The following CFAP161 variants were observed in gnomAD, a reference collection of about 807,000 sequenced individuals.
CFAP161 encodes cilia and flagella associated protein 161.
In CFAP161, 25 loss-of-function variants were observed where a neutral mutation model predicts 29.0. The ratio of observed to expected loss-of-function variants is 0.86; its 90% confidence interval spans 0.63 to 1.20. The LOEUF is 1.20. Among genes scored for constraint, CFAP161 ranks in the 50% most tolerant of loss-of-function variants. CFAP161 has a pLI of 0.00. For synonymous variants in CFAP161, 116 were observed against 137.4 expected (o/e 0.84, Z 1.09); for missense variants, 367 against 371.9 (o/e 0.99, Z 0.11).
At chr15:81,144,148 T>C (rs1894966295) in intron 5 of CFAP161, among the ~76,000 whole-genome samples, 1 of 152,234 alleles carries the variant, frequency 6.6e-6, no homozygotes, top group Non-Finnish European at 1.5e-5. Context: ...TTCTCACCTC[T>C]GGCTGCACGT....
At chr15:81,131,616 C>T (rs1315814535), upstream of CFAP161, among the ~76,000 whole-genome samples, 1 of 151,816 alleles carries the variant, frequency 6.6e-6, no homozygotes, top group African/African-American at 2.4e-5. Context: ...GAAGACAAAT[C>T]AATAGAAATT....
intron 5 of CFAP161, among the ~76,000 whole-genome samples, chr15:81,146,325 G>T (rs917009990): frequency 2.0e-5 from 3 of 152,088 alleles, no homozygotes; most frequent in African/African-American, 7.2e-5. Context: ...ATAAACATAT[G>T]TTCACTTATG....
At chr15:81,105,092 C>CCCTCCCTCCCTT (rs1555448580) in intron 1 of CFAP161, among the ~76,000 whole-genome samples, 4 of 53,452 alleles carry the variant, frequency 7.5e-5, no homozygotes, top group South Asian at 1.1e-3. Context: ...CTTTTCTTTT[C>CCCTCCCTCCCTT]CCTCCCTCCC....
intron 4 of CFAP161, among the ~76,000 whole-genome samples, chr15:81,142,906 G>A (rs1278000745): frequency 2.0e-5 from 3 of 152,104 alleles, no homozygotes; most frequent in Non-Finnish European, 4.4e-5. Flanking sequence ...ATTCCAGAGG[G>A]GTGTGGGTCA....
At chr15:81,108,097 T>A (rs1489623519) in intron 1 of CFAP161, among the ~76,000 whole-genome samples, 1 of 152,208 alleles carries the variant, frequency 6.6e-6, no homozygotes, top group Non-Finnish European at 1.5e-5. Context: ...TCTGCCTTGA[T>A]ACCCTTCTGT....
At chr15:81,134,019 C>T (rs2141876961), upstream of CFAP161, among the ~76,000 whole-genome samples, 1 of 152,282 alleles carries the variant, frequency 6.6e-6, no homozygotes, top group African/African-American at 2.4e-5. Flanking sequence ...TAGCACTTTT[C>T]GGTTAGATTC....
rs536308384 is a variant in CFAP161 at position 81,140,979 on chromosome 15, G to A, written c.478-2683G>A. On this transcript the variant is annotated intron_variant, in intron 4 of 6. Coordinates refer to ENST00000286732, the MANE Select transcript of CFAP161 (RefSeq NM_173528.4). ...CCCTGTGACCTTGACAGCTCATAGG[G>A]CTAGTTGCCTCTCATTACACTTCTT... 4.3e-4 allele frequency among the ~76,000 whole-genome samples: 65 copies of A among 152,276 alleles called. 1 individual carries two copies. In the South Asian group the frequency reaches 0.013, roughly 32 times the overall value.
intron 5 of CFAP161, among the ~76,000 whole-genome samples, chr15:81,145,944 A>G (rs1894998879): frequency 6.6e-6 from 1 of 152,168 alleles, no homozygotes; most frequent in Non-Finnish European, 1.5e-5. Flanking sequence ...ATCTCAATAA[A>G]TCTTATCTCT....
chr15:81,118,405 G>A, intron 1 of CFAP161: 1 of 218,430 alleles, frequency 4.6e-6, no homozygotes, highest in Non-Finnish European at 9.0e-6. Flanking sequence ...CCTGATGGAC[G>A]AATTCCCACA....
At chr15:81,119,826 G>A (rs1476173152) in intron 1 of CFAP161, among the ~76,000 whole-genome samples, 2 of 152,036 alleles carry the variant, frequency 1.3e-5, no homozygotes, top group African/African-American at 4.8e-5. Context: ...CAACATTTTG[G>A]GTGGTCAGTG....
At chr15:81,101,524 C>A (rs1377726719) in intron 1 of CFAP161, among the ~76,000 whole-genome samples, 1 of 14,904 alleles carries the variant, frequency 6.7e-5, no homozygotes, top group Non-Finnish European at 1.4e-4. Context: ...AAGACTCTGT[C>A]TCAAAAAAAA....
chr15:81,143,791 C>G lies in CFAP161; in HGVS notation c.607C>G (p.Arg203Gly). The G allele has an allele frequency of 6.2e-7, 1 of 1,613,860 alleles. No homozygotes were observed. Among genetic ancestry groups the G allele is most frequent in the Non-Finnish European group, 8.5e-7 (1 of 1,179,796 alleles). The stretch of plus-strand genomic sequence containing the variant: ...GGCTGCCTTCCCTGACCCCCAGTTA[C>G]GCCTGGAATATGAAGGCTTCCCCGT... Reference protein sequence around the residue: ...WQAAFPDPQLRLEYEGFPVPA... With the variant: ...WQAAFPDPQLGLEYEGFPVPA... The change falls in exon 5 of 7, where the codon CGC becomes GGC. Residue 203 changes from arginine (R) to glycine (G), a missense_variant. By Grantham distance (125) the Arg-to-Gly change is moderately radical. Coordinates refer to ENST00000286732, the MANE Select transcript of CFAP161 (RefSeq NM_173528.4).
chr15:81,112,606 G>A (rs1894452122), intron 1 of CFAP161, among the ~76,000 whole-genome samples: 1 of 152,196 alleles, frequency 6.6e-6, no homozygotes, highest in Admixed American at 6.5e-5. Context: ...GGGAGGGATG[G>A]GGAATGAAAG....
chr15:81,133,223 ATGTATT>A (rs1197308967), upstream of CFAP161, among the ~76,000 whole-genome samples: 403 of 25,682 alleles, frequency 0.016, 22 homozygotes, highest in Non-Finnish European at 0.026. Context: ...ATATATATAT[ATGTATT>A]TTTTTTTAAA....
chr15:81,138,010 A>G (rs1595918072), intron 3 of CFAP161, 41 bp from the exon 4 acceptor site: 1 of 1,437,116 alleles, frequency 7.0e-7, no homozygotes, highest in Non-Finnish European at 9.8e-7. Flanking sequence ...ATTCTAATAC[A>G]GAGAGTTTAC....
At chr15:81,116,360 C>T (rs936550734) in intron 1 of CFAP161, among the ~76,000 whole-genome samples, 1 of 152,206 alleles carries the variant, frequency 6.6e-6, no homozygotes, top group African/African-American at 2.4e-5. Flanking sequence ...GTGGCACAAT[C>T]TTGGCTCACT....
At chr15:81,144,273 G>A (rs933602185) in intron 5 of CFAP161, among the ~76,000 whole-genome samples, 1 of 152,142 alleles carries the variant, frequency 6.6e-6, no homozygotes. Flanking sequence ...CACTGTTTTC[G>A]CTAAGGCCTC....
At chr15:81,121,156 A>G (rs951616922) in intron 1 of CFAP161, among the ~76,000 whole-genome samples, 1 of 152,210 alleles carries the variant, frequency 6.6e-6, no homozygotes, top group Non-Finnish European at 1.5e-5. Flanking sequence ...GATGAAACTT[A>G]CTGCAACCTA....
chr15:81,101,044 C>G, intron 1 of CFAP161, among the ~76,000 whole-genome samples: 1 of 152,118 alleles, frequency 6.6e-6, no homozygotes, highest in Non-Finnish European at 1.5e-5. Context: ...TTTGATAATG[C>G]TGCTTTACTG....
Sources: allele counts gnomAD v4.1 joint callset (sites outside exome capture counted in the v4.1 genomes callset), GRCh38; gene constraint gnomAD v4.1.1; transcripts MANE v1.5; gene names NCBI Gene and HGNC (gene_info 2026-07-23, HGNC 2026-07-21).